Variants in LARP1 observed in about 807,000 individuals in gnomAD.
LARP1 encodes La ribonucleoprotein 1, translational regulator.
LARP1 carries 36 observed loss-of-function variants against 122.7 expected under a neutral mutation model. That is an observed-to-expected ratio of 0.29 (90% CI 0.22 to 0.39). The LOEUF is 0.39. Ranked by LOEUF, LARP1 falls within the 10% of genes least tolerant of loss-of-function variation. LARP1 has a pLI of 1.00. For synonymous variants in LARP1, 539 were observed against 528.7 expected, an observed-to-expected ratio of 1.02 and a Z score of -0.27; for missense variants, 1,040 against 1,403.6, an observed-to-expected ratio of 0.74 and a Z score of 4.14.
intron 3 of LARP1, chr5:154,792,055 G>A: frequency 4.5e-6 from 2 of 439,806 alleles, no homozygotes; most frequent in South Asian, 1.6e-5. Context: ...CCATCACTAC[G>A]CTTGGGTTTT....
intron 1 of LARP1, among the ~76,000 whole-genome samples, chr5:154,714,943 G>A (rs1416480212): frequency 2.0e-5 from 3 of 152,122 alleles, no homozygotes; most frequent in Admixed American, 1.3e-4. Context: ...ACTTTGGGAG[G>A]CTGAGGCAGG....
At chr5:154,690,611 C>T (rs544389678) in intron 1 of LARP1, among the ~76,000 whole-genome samples, 193 of 152,360 alleles carry the variant, frequency 1.3e-3, no homozygotes, top group African/African-American at 4.5e-3. Context: ...CCGCCACTAC[C>T]TCCACGCACC....
intron 1 of LARP1, chr5:154,786,374 A>G: frequency 2.3e-6 from 1 of 436,262 alleles, no homozygotes; most frequent in South Asian, 1.6e-5. Context: ...GCTTGTGTGT[A>G]TTTAAGAAGC....
At chr5:154,785,997 A>C (rs1756847919) in intron 1 of LARP1, among the ~76,000 whole-genome samples, 2 of 152,152 alleles carry the variant, frequency 1.3e-5, no homozygotes, top group African/African-American at 4.8e-5. Flanking sequence ...AGTGTTCTCA[A>C]CACCACCATA....
At chr5:154,786,286 C>T (rs977099713) in intron 1 of LARP1, among the ~76,000 whole-genome samples, 1 of 152,128 alleles carries the variant, frequency 6.6e-6, no homozygotes, top group African/African-American at 2.4e-5. Flanking sequence ...GGTAATCTGC[C>T]CGCCTCGGCC....
At chr5:154,788,024 T>C (rs1042354666) in intron 1 of LARP1, among the ~76,000 whole-genome samples, 1 of 152,214 alleles carries the variant, frequency 6.6e-6, no homozygotes, top group Non-Finnish European at 1.5e-5. Flanking sequence ...ATCCTGTTAG[T>C]GAAGTTGGCG....
chr5:154,778,176 C>T (rs558752461), intron 1 of LARP1, among the ~76,000 whole-genome samples: 12 of 150,640 alleles, frequency 8.0e-5, no homozygotes, highest in African/African-American at 2.7e-4. Flanking sequence ...AGGAGAATGG[C>T]GTGAACCCAG....
intron 1 of LARP1, among the ~76,000 whole-genome samples, chr5:154,749,669 C>G (rs1753385743): frequency 6.6e-6 from 1 of 152,206 alleles, no homozygotes; most frequent in South Asian, 2.1e-4. Flanking sequence ...TCAGCTGGCA[C>G]TGTTTTTTTT....
At chr5:154,772,555 A>G (rs1393175777) in intron 1 of LARP1, among the ~76,000 whole-genome samples, 1 of 152,238 alleles carries the variant, frequency 6.6e-6, no homozygotes, top group Non-Finnish European at 1.5e-5. Context: ...TTTCCTATAC[A>G]TATGTAACTG....
At chr5:154,801,118 CT>C (rs1391385976) in intron 10 of LARP1, among the ~76,000 whole-genome samples, 1 of 152,220 alleles carries the variant, frequency 6.6e-6, no homozygotes, top group Non-Finnish European at 1.5e-5. Flanking sequence ...AGGGAATCTA[CT>C]TTTGAATAAA....
intron 1 of LARP1, among the ~76,000 whole-genome samples, chr5:154,730,168 C>T (rs1196859925): frequency 6.6e-6 from 1 of 152,100 alleles, no homozygotes; most frequent in Non-Finnish European, 1.5e-5. Context: ...TGTGCTGTTC[C>T]TTCTGTCCAA....
At chr5:154,774,387 T>G (rs1332610309) in intron 1 of LARP1, among the ~76,000 whole-genome samples, 1 of 152,160 alleles carries the variant, frequency 6.6e-6, no homozygotes, top group African/African-American at 2.4e-5. Context: ...GTCTCCAGGC[T>G]GGGGAGGGTC....
At chr5:154,782,771 G>A (rs1012903979) in intron 1 of LARP1, among the ~76,000 whole-genome samples, 7 of 152,202 alleles carry the variant, frequency 4.6e-5, no homozygotes, top group Non-Finnish European at 7.3e-5. Flanking sequence ...AAATTTGGGT[G>A]GGAGGACTGG....
chr5:154,746,098 T>G (rs1465581142), intron 1 of LARP1, among the ~76,000 whole-genome samples: 1 of 152,190 alleles, frequency 6.6e-6, no homozygotes, highest in African/African-American at 2.4e-5. Context: ...GCACCTGGCC[T>G]AAACCCAACT....
intron 1 of LARP1, chr5:154,786,513 A>T (rs1272692401): frequency 2.2e-6 from 1 of 455,620 alleles, no homozygotes; most frequent in East Asian, 7.0e-5. Context: ...GTTGAGGAAG[A>T]AGACCCTCCT....
intron 1 of LARP1, among the ~76,000 whole-genome samples, chr5:154,696,836 C>T (rs1321276287): frequency 6.6e-6 from 1 of 152,074 alleles, no homozygotes; most frequent in African/African-American, 2.4e-5. Flanking sequence ...ATGCCTTTCT[C>T]CAAAGATGAT....
At chr5:154,722,961 G>T (rs760272649) in intron 1 of LARP1, among the ~76,000 whole-genome samples, 1 of 152,176 alleles carries the variant, frequency 6.6e-6, no homozygotes, top group Non-Finnish European at 1.5e-5. Context: ...GATTACAGGC[G>T]TGAGCCAGCA....
chr5:154,710,600 G>A (rs939293010), upstream of LARP1, among the ~76,000 whole-genome samples: 2 of 151,832 alleles, frequency 1.3e-5, no homozygotes, highest in Non-Finnish European at 2.9e-5. Flanking sequence ...AAAATTAGCC[G>A]GGCATGGTGG....
Position 154,799,634 on chromosome 5 carries a change from T to C in LARP1, c.1421T>C (p.Val474Ala), listed in dbSNP as rs147277237. The change falls in exon 9 of 19, where the codon GTT (valine) becomes GCT (alanine). Residue 474 changes from valine to alanine, a missense_variant. Physicochemically the swap from Val to Ala is moderately conservative, Grantham distance 64. Around this residue, in one of 8 missense-constraint regions of LARP1, gnomAD observed 362 missense variants for 533.1 expected, o/e 0.68. Transcript: ENST00000518297. ...SKVVEIVDEK[V>A]RRREEPEKWP... is the part of the protein sequence containing the mutation. ...GTGGTGGAGATCGTTGATGAGAAAG[T>C]TCGTAGGAGGGAGGAACCAGAAAAG... The C allele has an allele frequency of 1.2e-6, 2 of 1,614,094 alleles. No individual in the cohort carries two copies. The highest frequency in any genetic ancestry group is 1.7e-6 in the Non-Finnish European group (2 of 1,180,004).
Sources: allele counts gnomAD v4.1 joint callset (sites outside exome capture counted in the v4.1 genomes callset), GRCh38; gene constraint gnomAD v4.1.1; regional missense constraint gnomAD v4.1.1; transcripts MANE v1.5; gene names NCBI Gene and HGNC (gene_info 2026-07-23, HGNC 2026-07-21).